The following EPHA4 variants were observed in gnomAD, a reference collection of about 807,000 sequenced individuals.
EPHA4 encodes ephrin type-A receptor 4.
A neutral mutation model predicts 108.3 loss-of-function variants in EPHA4; 19 were observed. That is an observed-to-expected ratio of 0.18 (90% CI 0.12 to 0.26). The LOEUF (loss-of-function observed/expected upper bound fraction) is 0.26. EPHA4 is among the 10% of genes least tolerant of loss of function. EPHA4 has a pLI of 1.00. For synonymous variants in EPHA4, 449 were observed against 455.5 expected, an observed-to-expected ratio of 0.99 and a Z score of 0.18; for missense variants, 917 against 1,254.0, an observed-to-expected ratio of 0.73 and a Z score of 4.06.
intron 3 of EPHA4, chr2:221,502,636 C>A (rs1442092227): frequency 2.1e-6 from 1 of 469,884 alleles, no homozygotes; most frequent in Non-Finnish European, 4.4e-6. Context: ...TGGCTTCCAG[C>A]TGAAGTCTGT....
At chr2:221,489,475 G>A (rs912711668) in intron 4 of EPHA4, among the ~76,000 whole-genome samples, 3 of 152,138 alleles carry the variant, frequency 2.0e-5, no homozygotes, top group African/African-American at 7.2e-5. Flanking sequence ...TGGTAGTTCT[G>A]CTTGGAATTC....
chr2:221,572,410 C>T, upstream of EPHA4: 1 of 442,238 alleles, frequency 2.3e-6, no homozygotes, highest in Non-Finnish European at 3.6e-6. Flanking sequence ...GCAGACAGGG[C>T]GGCCGAGCCC....
At chr2:221,466,759 A>T (rs537133411) in intron 5 of EPHA4, among the ~76,000 whole-genome samples, 1 of 152,304 alleles carries the variant, frequency 6.6e-6, no homozygotes, top group Non-Finnish European at 1.5e-5. Flanking sequence ...TCAAGAAGAT[A>T]AGGTACAGAG....
At chr2:221,530,291 A>G (rs1693468763) in intron 3 of EPHA4, among the ~76,000 whole-genome samples, 1 of 152,194 alleles carries the variant, frequency 6.6e-6, no homozygotes, top group Non-Finnish European at 1.5e-5. Flanking sequence ...AAGGATCTGT[A>G]TAAACATTAA....
At chr2:221,488,725 T>C (rs1574605423) in intron 4 of EPHA4, among the ~76,000 whole-genome samples, 1 of 152,304 alleles carries the variant, frequency 6.6e-6, no homozygotes, top group East Asian at 1.9e-4. Flanking sequence ...TATCACATCA[T>C]ATCATGTTGT....
chr2:221,490,903 T>C (rs1014408904), intron 4 of EPHA4, among the ~76,000 whole-genome samples: 3 of 152,220 alleles, frequency 2.0e-5, no homozygotes, highest in East Asian at 3.9e-4. Context: ...TCCTGACATA[T>C]ATGAACAGTG....
At chr2:221,465,890 G>A (rs1021464278) in intron 5 of EPHA4, among the ~76,000 whole-genome samples, 2 of 152,180 alleles carry the variant, frequency 1.3e-5, no homozygotes, top group African/African-American at 4.8e-5. Flanking sequence ...GCAAAAAAGA[G>A]GTATTTGCAT....
intron 3 of EPHA4, among the ~76,000 whole-genome samples, chr2:221,546,310 C>T (rs947871913): frequency 6.6e-6 from 1 of 152,156 alleles, no homozygotes; most frequent in African/African-American, 2.4e-5. Flanking sequence ...TTCAAAGATA[C>T]ACAGATGCAA....
chr2:221,566,963 G>GGAGGAAGAAGAAGAAGAAGAA, intron 2 of EPHA4, among the ~76,000 whole-genome samples: 1 of 10,626 alleles, frequency 9.4e-5, no homozygotes, highest in Admixed American at 1.5e-3. Context: ...AAGGGGAAGA[G>GGAGGAAGAAGAAGAAGAAGAA]GAAGAGGAAG....
At chr2:221,539,392 A>G (rs909456642) in intron 3 of EPHA4, among the ~76,000 whole-genome samples, 1 of 152,192 alleles carries the variant, frequency 6.6e-6, no homozygotes, top group Non-Finnish European at 1.5e-5. Flanking sequence ...GTCCGATAAG[A>G]TGGCATTACA....
intron 3 of EPHA4, among the ~76,000 whole-genome samples, chr2:221,507,069 G>A (rs1276100228): frequency 6.6e-6 from 1 of 152,100 alleles, no homozygotes; most frequent in Non-Finnish European, 1.5e-5. Flanking sequence ...CTGGTGGCAG[G>A]CCAGATTTTG....
chr2:221,426,182 A>G (rs2303901), intron 16 of EPHA4, 40 bp from the exon 17 acceptor site: 737,598 of 1,546,864 alleles, frequency 0.48, 184,378 homozygotes, highest in African/African-American at 0.8. Flanking sequence ...AAGAAGTCAC[A>G]GGGACTGACA....
At chr2:221,550,381 T>C (rs1283810399) in intron 3 of EPHA4, among the ~76,000 whole-genome samples, 2 of 148,382 alleles carry the variant, frequency 1.3e-5, no homozygotes, top group Non-Finnish European at 3.0e-5. Context: ...TTTAATTTTA[T>C]AAATCAATTA....
rs751602694 is a variant in EPHA4 at position 221,564,149 on chromosome 2, ACG to A, written c.403_404del (p.Arg135PhefsTer11). On this transcript the variant is annotated frameshift_variant, in exon 3 of 18. Transcript: ENST00000281821. LOFTEE classifies it high-confidence loss of function. ...YYYESDNDKE[R>X]FIRENQFVKI... The stretch of plus-strand genomic sequence containing the variant: ...TGACAAACTGGTTCTCTCTGATGAA[ACG>A]CTCTTTGTCGTTGTCTGATTCATAG... 1 of 1,614,116 alleles carries A rather than the reference ACG, an allele frequency of 6.2e-7. No individual in the cohort carries two copies. Among genetic ancestry groups the A allele is most frequent in the Non-Finnish European group, 8.5e-7 (1 of 1,180,022 alleles).
chr2:221,480,527 T>G (rs935676521), intron 5 of EPHA4, among the ~76,000 whole-genome samples: 3 of 152,162 alleles, frequency 2.0e-5, no homozygotes, highest in African/African-American at 7.2e-5. Context: ...TCCATTGCAT[T>G]CTTCCAAAAG....
intron 4 of EPHA4, among the ~76,000 whole-genome samples, chr2:221,490,468 C>T (rs546056593): frequency 3.3e-5 from 5 of 152,064 alleles, no homozygotes; most frequent in Non-Finnish European, 4.4e-5. Context: ...ATGGAGCATC[C>T]CCCAAGAGCA....
At chr2:221,484,677 C>T (rs59806140) in intron 4 of EPHA4, among the ~76,000 whole-genome samples, 5,016 of 152,196 alleles carry the variant, frequency 0.033, 162 homozygotes, top group East Asian at 0.077. Context: ...CTAAGAGCTA[C>T]ATAGGATGTT....
chr2:221,425,805 GA>G lies in EPHA4; in HGVS notation c.*222del. ...GTGATGAACAGAAAAGTACTTCTGA[GA>G]AACGATTTGTTCCAGGTCTCATTCA... On this transcript the variant is annotated 3_prime_UTR_variant, in exon 17 of 18. Coordinates refer to ENST00000281821, the MANE Select transcript of EPHA4 (RefSeq NM_004438.5). The G allele has an allele frequency of 5.6e-6, 3 of 531,450 alleles. No individual in the cohort carries two copies. Among genetic ancestry groups the G allele is most frequent in the Non-Finnish European group, 1.0e-5 (3 of 298,930 alleles). The allele number at this position is 531,450 out of a possible 1,614,324, so 32.9% of individuals were successfully genotyped here.
intron 3 of EPHA4, among the ~76,000 whole-genome samples, chr2:221,511,369 G>T (rs889544575): frequency 1.3e-5 from 2 of 150,888 alleles, no homozygotes; most frequent in African/African-American, 2.4e-5. Flanking sequence ...GGCCAATCCC[G>T]GCAGCCATGC....
Sources: allele counts gnomAD v4.1 joint callset (sites outside exome capture counted in the v4.1 genomes callset), GRCh38; gene constraint gnomAD v4.1.1; transcripts MANE v1.5; gene names NCBI Gene and HGNC (gene_info 2026-07-23, HGNC 2026-07-21).